The following PLCH2 variants were observed in gnomAD, a reference collection of about 807,000 sequenced individuals.
PLCH2 encodes 1-phosphatidylinositol 4,5-bisphosphate phosphodiesterase eta-2.
A neutral mutation model predicts 134.7 loss-of-function variants in PLCH2; 98 were observed. That is an observed-to-expected ratio of 0.73 (90% CI 0.62 to 0.86). PLCH2 has a LOEUF of 0.86. Among genes scored for constraint, PLCH2 ranks in the 40% least tolerant of loss-of-function variants. The pLI is 0.00. For missense variants in PLCH2, 1,994 were observed against 1,986.6 expected (o/e 1.00, Z -0.07); for synonymous variants, 974 against 827.5 (o/e 1.18, Z -3.04).
At chr1:2,435,065 G>C (rs551256479) in intron 2 of PLCH2, among the ~76,000 whole-genome samples, 8 of 152,304 alleles carry the variant, frequency 5.3e-5, no homozygotes, top group South Asian at 4.1e-4. Context: ...ACTTGGCTTT[G>C]TCAGCAGCAG....
At chr1:2,461,477 C>T (rs1640798273) in intron 2 of PLCH2, among the ~76,000 whole-genome samples, 1 of 152,174 alleles carries the variant, frequency 6.6e-6, no homozygotes, top group African/African-American at 2.4e-5. Flanking sequence ...CACTGGGAGG[C>T]TAGGATGTGT....
At chr1:2,453,883 G>A (rs1360066982) in intron 2 of PLCH2, among the ~76,000 whole-genome samples, 3 of 152,152 alleles carry the variant, frequency 2.0e-5, no homozygotes, top group Non-Finnish European at 4.4e-5. Flanking sequence ...GGGGGCTGCT[G>A]GAGGGGCCTG....
chr1:2,499,783 GCCC>G (rs976282953), intron 20 of PLCH2, 63 bp downstream of exon 20: 7 of 1,281,076 alleles, frequency 5.5e-6, no homozygotes, highest in African/African-American at 3.0e-5. Context: ...CTTGTCCCAT[GCCC>G]CCCCATGTGT....
chr1:2,455,829 C>T (rs938243162), intron 2 of PLCH2, among the ~76,000 whole-genome samples: 5 of 152,188 alleles, frequency 3.3e-5, no homozygotes, highest in East Asian at 1.9e-4. Flanking sequence ...CCTCCCCGGC[C>T]GTGCCCCGGT....
Position 2,498,541 on chromosome 1 carries a change from C to T in PLCH2, c.2243C>T (p.Ser748Leu), listed in dbSNP as rs56072033. 2.3e-4 allele frequency: 363 copies of T among 1,607,864 alleles called. No individual in the cohort carries two copies. The highest frequency in any genetic ancestry group is 2.6e-4 in the Non-Finnish European group (311 of 1,178,844). ...CMCQGVFNPN[S>L]EDPLPGQLKK... ...CCCTCAGGCGTGTTCAACCCCAACT[C>T]GGAGGACCCCCTGCCCGGGCAGCTC... Residue 748 changes from serine (S) to leucine (L), a missense_variant, in exon 17 of 22, where the codon TCG becomes TTG. Ser to Leu is a moderately radical substitution (Grantham distance 145). Coordinates refer to ENST00000378486, the MANE Select transcript of PLCH2 (RefSeq NM_014638.4). The surrounding 1 kb of genome is among the most constrained non-coding windows in gnomAD (Gnocchi z 5.4).
In PLCH2 at chr1:2,444,618, C is replaced by G. The variant is rs970220947; in HGVS notation, c.115+13989C>G. Among the ~76,000 whole-genome samples the G allele has an allele frequency of 6.6e-6, 1 of 152,136 alleles. No homozygotes were observed. The highest frequency in any genetic ancestry group is 1.5e-5 in the Non-Finnish European group (1 of 68,018). ...AGGGTATTCTTTAGGGAGATGGGCT[C>G]TGCTGGAGCTGGTGGAGGAAGATGC... On this transcript the variant is annotated intron_variant, in intron 2 of 3. Transcript: ENST00000609981. The surrounding 1 kb of genome is among the most constrained non-coding windows in gnomAD (Gnocchi z 4.6).
Position 2,495,479 on chromosome 1 carries a change from C to G in PLCH2, c.1753-9C>G. 3 of 1,550,820 alleles carry G rather than the reference C, an allele frequency of 1.9e-6. No homozygotes were observed. The highest frequency in any genetic ancestry group is 2.4e-5 in the East Asian group (1 of 40,910). On this transcript the variant is annotated splice_polypyrimidine_tract_variant and intron_variant, in intron 12 of 21. Transcript: ENST00000378486. ...GGCCCTACAGCTCACACCTCTGCCC[C>G]CCGCACAGAAGAAGGGCAGCAAGCT...
At chr1:2,490,199 C>G (rs892589217) in intron 10 of PLCH2, among the ~76,000 whole-genome samples, 3 of 152,204 alleles carry the variant, frequency 2.0e-5, no homozygotes, top group Non-Finnish European at 4.4e-5. Flanking sequence ...CCACCCCATT[C>G]CCACCAGCAC....
chr1:2,484,564 C>T lies in PLCH2; in HGVS notation c.762C>T (p.His254=). The change falls in exon 5 of 22, where the codon CAC becomes CAT. Residue 254 remains histidine (H), a synonymous_variant. Transcript: ENST00000378486. Reference sequence around the variant, plus strand: ...TGCTCATGCTGACCTACAGCAACCACAAGGACCACCTGGATGCCGCCAGCC... The same window carrying T: ...TGCTCATGCTGACCTACAGCAACCATAAGGACCACCTGGATGCCGCCAGCC... The part of the protein sequence containing the change: ...LYLLMLTYSN[H]KDHLDAASLQ... 1 of 1,613,190 alleles carries T rather than the reference C, an allele frequency of 6.2e-7. No homozygotes were observed. The highest frequency in any genetic ancestry group is 1.3e-5 in the African/African-American group (1 of 75,056).
chr1:2,443,554 A>G (rs1226319803), intron 2 of PLCH2, among the ~76,000 whole-genome samples: 1 of 151,718 alleles, frequency 6.6e-6, no homozygotes, highest in Non-Finnish European at 1.5e-5. Flanking sequence ...ATCTTTGCGG[A>G]GAAAGTACTT....
At chr1:2,446,482 C>A (rs1158386123) in intron 2 of PLCH2, among the ~76,000 whole-genome samples, 1 of 152,230 alleles carries the variant, frequency 6.6e-6, no homozygotes, top group Non-Finnish European at 1.5e-5. Context: ...TCCCTCCCCC[C>A]AGCTGCAGGG....
upstream of PLCH2, among the ~76,000 whole-genome samples, chr1:2,463,908 A>G (rs1015636412): frequency 7.2e-5 from 11 of 152,258 alleles, no homozygotes; most frequent in Non-Finnish European, 1.5e-4. Flanking sequence ...TGGGGCACAC[A>G]GAGTCGGGCA....
the PLCH2 span, among the ~76,000 whole-genome samples, chr1:2,416,420 G>A: frequency 2.0e-5 from 3 of 152,134 alleles, no homozygotes; most frequent in Non-Finnish European, 2.9e-5. Context: ...TGCGGCCCTC[G>A]GGAAGCCCCT....
chr1:2,459,802 C>T (rs1002192977), intron 2 of PLCH2, among the ~76,000 whole-genome samples: 13 of 152,270 alleles, frequency 8.5e-5, no homozygotes, highest in East Asian at 5.8e-4. Context: ...GTGGGGAATA[C>T]GCTCCTGAGT....
chr1:2,450,676 A>ACCCCCCCGCTCCCCGCCTG (rs1343637072), intron 2 of PLCH2, among the ~76,000 whole-genome samples: 1 of 7,528 alleles, frequency 1.3e-4, no homozygotes. Context: ...CTCCCCGCCT[A>ACCCCCCCGCTCCCCGCCTG]CCCCCCTCTC....
rs1347094717 is a variant in PLCH2, at chr1:2,499,192, T to A, written c.2543T>A (p.Ile848Asn). 6.2e-7 allele frequency: 1 copy of A among 1,613,154 alleles called. No individual in the cohort carries two copies. The highest frequency in any genetic ancestry group is 1.1e-5 in the South Asian group (1 of 91,084). Residue 848 changes from isoleucine (I) to asparagine (N), a missense_variant, in exon 19 of 22, where the codon ATT (isoleucine) becomes AAT (asparagine). Physicochemically the swap from Ile to Asn is moderately radical, Grantham distance 149. This residue lies in a region of PLCH2 where 1,094 missense variants were observed against 1,234.3 expected (regional missense o/e 0.89). Transcript: ENST00000378486. The stretch of plus-strand genomic sequence containing the variant: ...CACGATCCCATCGGGCGTGACTTCA[T>A]TGGCCAGAGGACGCTGGCCTTCAGC... ...WDHDPIGRDF[I>N]GQRTLAFSSM...
rs1642139904 is a variant in PLCH2 at position 2,483,920 on chromosome 1, GGGGGGGCGCTGACTCCCGTGT to G, written c.646-524_646-504del. Among the ~76,000 whole-genome samples the G allele has an allele frequency of 1.9e-5, 2 of 106,680 alleles. 1 individual carries two copies. Among genetic ancestry groups the G allele is most frequent in the African/African-American group, 7.9e-5 (2 of 25,216 alleles). The allele number at this position is 106,680 out of a possible 152,430, so 70.0% of individuals were successfully genotyped here. A position where few individuals can be genotyped will look rare whatever the true frequency, so the allele number is the denominator to read the frequency against. On this transcript the variant is annotated intron_variant, in intron 4 of 21. Coordinates refer to ENST00000378486, the MANE Select transcript of PLCH2 (RefSeq NM_014638.4). ...TGTGGGGGGGCGCTGACTCCCGTGT[GGGGGGGCGCTGACTCCCGTGT>G]GGGTGGCGCTGACTCCCGTGTGGGG...
chr1:2,467,180 CGGGA>C (rs540138760), upstream of PLCH2, among the ~76,000 whole-genome samples: 3 of 140,222 alleles, frequency 2.1e-5, no homozygotes, highest in African/African-American at 5.1e-5. Context: ...GGAGCCCTGC[CGGGA>C]GGGAGGGAGG....
chr1:2,500,655 C>T (rs1319556111), intron 20 of PLCH2: 2 of 152,306 alleles, frequency 1.3e-5, no homozygotes, highest in Admixed American at 6.5e-5. Flanking sequence ...CATTTGGAGA[C>T]TGTCGCTCAT....
Sources: gnomAD v4.1 joint callset for allele counts (sites outside exome capture counted in the v4.1 genomes callset) on GRCh38, gnomAD v4.1.1 for gene constraint, gnomAD v4.1.1 regional missense constraint, Gnocchi (gnomAD v3.1) non-coding constraint, MANE v1.5 for transcripts, NCBI Gene and HGNC (gene_info 2026-07-23, HGNC 2026-07-21) for gene names.